The following AARS1 variants were observed in gnomAD, a reference collection of about 807,000 sequenced individuals.
AARS1 encodes alanyl-tRNA synthetase 1.
A neutral mutation model predicts 108.9 loss-of-function variants in AARS1; 72 were observed. The observed-to-expected ratio is 0.66, with a 90% CI of 0.55 to 0.80. The LOEUF (loss-of-function observed/expected upper bound fraction) is 0.80, where lower values mean the gene tolerates loss of function less well. AARS1 is among the 30% of genes least tolerant of loss of function. The pLI, the probability that AARS1 is intolerant of heterozygous loss-of-function variation, is 0.00. For missense variants in AARS1, 1,193 were observed against 1,233.2 expected (o/e 0.97, Z 0.49); for synonymous variants, 489 against 465.7 (o/e 1.05, Z -0.64).
rs1333543667 is a variant in AARS1, at chr16:70,289,410, G to A, written c.-22+11C>T. On this transcript the variant is annotated intron_variant, in intron 1 of 20. Transcript: ENST00000261772. ...CTCCTAGCACCGCAGAGCTCTCCGA[G>A]GGCGGCCTACCTCTCCTAGGGTCGC... The A allele has an allele frequency of 5.2e-6, 2 of 382,402 alleles. No homozygotes were observed. The highest frequency in any genetic ancestry group is 1.4e-4 in the East Asian group (2 of 13,810). 23.7% of individuals were successfully genotyped at this position (382,402 alleles called of 1,614,324 possible). A position where few individuals can be genotyped will look rare whatever the true frequency, so the allele number is the denominator to read the frequency against.
chr16:70,253,694 G>A lies in AARS1; in HGVS notation c.2607+20C>T, dbSNP rs1238512618. ...AGAGCTGATGAGCCCTAGGGGAGGGGACCCTGGCCCCTGGGTTGCCTTGGC... is the reference window on the plus strand; with the variant it reads ...AGAGCTGATGAGCCCTAGGGGAGGGAACCCTGGCCCCTGGGTTGCCTTGGC... On this transcript the variant is annotated intron_variant, in intron 19 of 20. Transcript: ENST00000261772. 2 of 1,611,984 alleles carry A rather than the reference G, an allele frequency of 1.2e-6. No homozygotes were observed. The highest frequency in any genetic ancestry group is 3.3e-5 in the Admixed American group (2 of 60,028).
intron 7 of AARS1, among the ~76,000 whole-genome samples, chr16:70,268,790 C>G (rs1960324970): frequency 6.6e-6 from 1 of 152,202 alleles, no homozygotes; most frequent in Non-Finnish European, 1.5e-5. Flanking sequence ...TACTCAGCAG[C>G]AGAGATTTAA....
intron 7 of AARS1, 94 bp from the exon 8 acceptor site, chr16:70,268,473 A>C (rs1188744604): frequency 9.7e-7 from 1 of 1,031,142 alleles, no homozygotes; most frequent in Non-Finnish European, 1.5e-6. Context: ...CTCTTTCAGG[A>C]ACTTTCTTTT....
At chr16:70,265,695 A>T in intron 9 of AARS1, 33 bp from the exon 10 acceptor site, 1 of 1,611,484 alleles carries the variant, frequency 6.2e-7, no homozygotes, top group Non-Finnish European at 8.5e-7. Flanking sequence ...GTCAAAAAAA[A>T]CAGACAGCCC....
At chr16:70,278,718 A>G (rs1312412976) in intron 2 of AARS1, among the ~76,000 whole-genome samples, 1 of 152,164 alleles carries the variant, frequency 6.6e-6, no homozygotes, top group Non-Finnish European at 1.5e-5. Context: ...GTATTAGATC[A>G]CAAACTCCTT....
chr16:70,272,743 C>A (rs1960439213), intron 4 of AARS1, among the ~76,000 whole-genome samples: 1 of 151,028 alleles, frequency 6.6e-6, no homozygotes, highest in Admixed American at 6.6e-5. Context: ...CATTGCGAAA[C>A]CCCGACTCTC....
chr16:70,255,796 C>T lies in AARS1; in HGVS notation c.2218G>A (p.Val740Met), dbSNP rs749217453. ...NSSHAGAFVI[V>M]TEEAIAKGIR... ...CCCTTGGCAATGGCTTCTTCCGTCA[C>T]GATCACAAAAGCTCCTGCATGACTC... Residue 740 changes from valine to methionine, a missense_variant, in exon 16 of 21, where the codon GTG (valine) becomes ATG (methionine). Val to Met is a conservative substitution (Grantham distance 21, BLOSUM62 1). Transcript: ENST00000261772. The T allele has an allele frequency of 1.8e-5, 29 of 1,614,058 alleles. No homozygotes were observed. Among genetic ancestry groups the T allele is most frequent in the South Asian group, 1.3e-4 (12 of 91,080 alleles).
At chr16:70,270,462 G>C in intron 5 of AARS1, 122 bp from the exon 6 acceptor site, 1 of 1,253,126 alleles carries the variant, frequency 8.0e-7, no homozygotes, top group African/African-American at 1.5e-5. Context: ...CCATTTGCCC[G>C]GTTTGGTGGG....
intron 10 of AARS1, 165 bp downstream of exon 10, chr16:70,265,373 C>A (rs1960237753): frequency 8.7e-7 from 1 of 1,148,064 alleles, no homozygotes; most frequent in Middle Eastern, 2.9e-4. Flanking sequence ...GACATTATCG[C>A]CAATTACTCC....
At chr16:70,287,768 T>G (rs141856631) in intron 1 of AARS1, among the ~76,000 whole-genome samples, 31 of 152,094 alleles carry the variant, frequency 2.0e-4, no homozygotes, top group African/African-American at 7.2e-4. Context: ...TAAAGACACT[T>G]TTTCTTTTTT....
In AARS1 at chr16:70,268,282, C is replaced by A. The variant is rs762395098; in HGVS notation, c.1060G>T (p.Val354Phe). 4 of 1,613,856 alleles carry A rather than the reference C, an allele frequency of 2.5e-6. No homozygotes were observed. The East Asian group carries it at 6.7e-5, about 27-fold the overall frequency. ...AGAAATAAACCTACCAGGGACTGGACGACAACATCCACTAACGTAGCAAAG... is the reference window on the plus strand; with the variant it reads ...AGAAATAAACCTACCAGGGACTGGAAGACAACATCCACTAACGTAGCAAAG... ...GFFATLVDVV[V>F]QSLGDAFPEL... Residue 354 changes from valine to phenylalanine, a missense_variant, in exon 8 of 21, where the codon GTC becomes TTC. Coordinates refer to ENST00000261772, the MANE Select transcript of AARS1 (RefSeq NM_001605.3).
chr16:70,261,747 G>A (rs1960138574), intron 12 of AARS1, among the ~76,000 whole-genome samples: 1 of 144,486 alleles, frequency 6.9e-6, no homozygotes, highest in African/African-American at 2.6e-5. Flanking sequence ...TCGGCTCACT[G>A]CAACCACCCT....
chr16:70,262,078 C>T (rs1380826776), intron 12 of AARS1, among the ~76,000 whole-genome samples: 1 of 152,160 alleles, frequency 6.6e-6, no homozygotes, highest in South Asian at 2.1e-4. Context: ...AAGGACATCT[C>T]CCCTTCAGAG....
In AARS1 at chr16:70,267,949, C is replaced by G. The variant is rs1960304277; in HGVS notation, c.1072-140G>C. 11 of 1,217,052 alleles carry G rather than the reference C, an allele frequency of 9.0e-6. No homozygotes were observed. The East Asian group carries it at 2.7e-4, about 30-fold the overall frequency. The allele number at this position is 1,217,052 out of a possible 1,614,324, so 75.4% of individuals were successfully genotyped here. ...TTGGGAAGCCGAGGCAGGTGGATTG[C>G]CTGAGCTCAGGAGTTCAAGACCAGC... On this transcript the variant is annotated intron_variant, in intron 8 of 20. Transcript: ENST00000261772.
At chr16:70,268,988 T>C (rs982407953) in intron 7 of AARS1, among the ~76,000 whole-genome samples, 4 of 151,612 alleles carry the variant, frequency 2.6e-5, no homozygotes, top group East Asian at 1.9e-4. Flanking sequence ...AGGTGGATCA[T>C]CTGAGGTCAG....
intron 1 of AARS1, among the ~76,000 whole-genome samples, chr16:70,288,375 C>T (rs1960918320): frequency 6.6e-6 from 1 of 151,996 alleles, no homozygotes; most frequent in South Asian, 2.1e-4. Flanking sequence ...TCCCCAAGTG[C>T]TGGGATTACA....
rs866635402 is a variant in AARS1 at position 70,289,360 on chromosome 16, C to G, written c.-22+61G>C. On this transcript the variant is annotated intron_variant, in intron 1 of 20. Coordinates refer to ENST00000261772, the MANE Select transcript of AARS1 (RefSeq NM_001605.3). ...GGCCCACTGCGGCTGCGGAGCTTTC[C>G]CCCCAGTCTGCGGGCCCAGCCGCTC... The G allele has an allele frequency of 3.9e-4, 138 of 355,942 alleles. 2 individuals carry two copies. The highest frequency in any genetic ancestry group is 1.0e-3 in the Middle Eastern group (1 of 970). 22.0% of individuals were successfully genotyped at this position (355,942 alleles called of 1,614,324 possible).
rs1960801595 is a variant in AARS1 at position 70,284,887 on chromosome 16, G to A, written c.-21-2103C>T. ...TATCTACCCTGCCTACTCAACTGAG[G>A]TGTTGTGAGGATCAAAAGCTATACT... On this transcript the variant is annotated intron_variant, in intron 1 of 20. Transcript: ENST00000261772. 2.0e-5 allele frequency among the ~76,000 whole-genome samples: 3 copies of A among 152,294 alleles called. No homozygotes were observed. In the South Asian group the frequency reaches 6.2e-4, roughly 32 times the overall value.
chr16:70,284,580 C>T (rs374824696), intron 1 of AARS1, among the ~76,000 whole-genome samples: 3 of 151,818 alleles, frequency 2.0e-5, no homozygotes, highest in Non-Finnish European at 2.9e-5. Flanking sequence ...CCAGCCTGGG[C>T]GACAGAGACC....
Sources: gnomAD v4.1 joint callset for allele counts (sites outside exome capture counted in the v4.1 genomes callset) on GRCh38, gnomAD v4.1.1 for gene constraint, MANE v1.5 for transcripts, NCBI Gene and HGNC (gene_info 2026-07-23, HGNC 2026-07-21) for gene names.